The following GMPPA variants were observed in gnomAD, a reference collection of about 807,000 sequenced individuals.
GMPPA encodes GDP-mannose pyrophosphorylase A.
A neutral mutation model predicts 58.6 loss-of-function variants in GMPPA; 46 were observed. The observed-to-expected ratio is 0.78, with a 90% CI of 0.62 to 1.00. The LOEUF (loss-of-function observed/expected upper bound fraction) is 1.00. GMPPA is among the 50% of genes least tolerant of loss of function. The pLI, the probability that GMPPA is intolerant of heterozygous loss-of-function variation, is 0.00. For synonymous variants in GMPPA, 211 were observed against 214.9 expected (o/e 0.98, Z 0.16); for missense variants, 468 against 556.4 (o/e 0.84, Z 1.60).
At chr2:219,504,759 A>G in intron 7 of GMPPA, 1 of 594,272 alleles carries the variant, frequency 1.7e-6, no homozygotes, top group Admixed American at 5.3e-5. Context: ...TTCCCTCTCC[A>G]TCTCTCCTGG....
At chr2:219,504,012 A>G in intron 6 of GMPPA, 71 bp from the exon 7 acceptor site, 1 of 1,568,956 alleles carries the variant, frequency 6.4e-7, no homozygotes, top group Non-Finnish European at 8.7e-7. Context: ...AAGGGCCTAG[A>G]AATCAGAGGG....
chr2:219,504,175 T>G lies in GMPPA; in HGVS notation c.582T>G (p.Leu194=). ...YLFSPEALKP[L]RDVFQRNQQD... ...TTTCTCCTGAAGCCTTGAAGCCTCTTCGGGATGTCTTCCAGCGTAATCAGC... is the reference window on the plus strand; with the variant it reads ...TTTCTCCTGAAGCCTTGAAGCCTCTGCGGGATGTCTTCCAGCGTAATCAGC... The change falls in exon 7 of 13, where the codon CTT becomes CTG. Residue 194 remains leucine, a synonymous_variant. Coordinates refer to ENST00000313597, the MANE Select transcript of GMPPA (RefSeq NM_013335.4). The G allele has an allele frequency of 6.2e-7, 1 of 1,614,082 alleles. No homozygotes were observed.
At position 219,505,229 on chromosome 2, in the gene GMPPA, G is replaced by A. The variant is rs750421357; in HGVS notation, c.622G>A (p.Glu208Lys). ...FQRNQQDGQL[E>K]DSPGLWPGAG... ...GTCAGCATTCTTCCTCTCTGCCAGG[G>A]AGGACTCACCAGGCTTGTGGCCAGG... The change falls in exon 8 of 13, where the codon GAG becomes AAG. Residue 208 changes from glutamate (E) to lysine (K), a missense_variant and splice_region_variant. Glu to Lys is a moderately conservative substitution (Grantham distance 56, BLOSUM62 1). Transcript: ENST00000313597. 6.2e-7 allele frequency: 1 copy of A among 1,613,526 alleles called. No individual in the cohort carries two copies. The highest frequency in any genetic ancestry group is 1.1e-5 in the South Asian group (1 of 91,082).
chr2:219,506,231 C>T (rs369898058), intron 11 of GMPPA, 23 bp from the exon 12 acceptor site: 3 of 1,591,594 alleles, frequency 1.9e-6, no homozygotes, highest in Non-Finnish European at 2.6e-6. Context: ...CTTCCCCTTA[C>T]CTTTCACTGT....
chr2:219,504,738 C>A, intron 7 of GMPPA: 1 of 389,006 alleles, frequency 2.6e-6, no homozygotes, highest in Non-Finnish European at 3.7e-6. Flanking sequence ...CACTCCCACC[C>A]GTGTCTCTGC....
At position 219,501,894 on chromosome 2, in the gene GMPPA, T is replaced by G; in HGVS notation, c.286T>G (p.Tyr96Asp). The stretch of plus-strand genomic sequence containing the variant: ...CCCCCTAGGCACAGGGGGTGGTCTT[T>G]ACCATTTTCGAGACCAGATCCTGGC... ...FAPLGTGGGL[Y>D]HFRDQILAGS... The change falls in exon 5 of 13, where the codon TAC (tyrosine) becomes GAC (aspartate). Residue 96 changes from tyrosine (Y) to aspartate (D), a missense_variant. By Grantham distance (160) the Tyr-to-Asp change is radical. Coordinates refer to ENST00000313597, the MANE Select transcript of GMPPA (RefSeq NM_013335.4). The G allele has an allele frequency of 2.5e-6, 4 of 1,614,190 alleles. No individual in the cohort carries two copies. The highest frequency in any genetic ancestry group is 3.4e-6 in the Non-Finnish European group (4 of 1,180,026).
At position 219,501,928 on chromosome 2, in the gene GMPPA, C is replaced by T; in HGVS notation, c.320C>T (p.Pro107Leu). 1 of 1,614,164 alleles carries T rather than the reference C, an allele frequency of 6.2e-7. No homozygotes were observed. The highest frequency in any genetic ancestry group is 8.5e-7 in the Non-Finnish European group (1 of 1,180,016). ...HFRDQILAGS[P>L]EAFFVLNADV... Reference sequence around the variant, plus strand: ...CGAGACCAGATCCTGGCTGGGAGCCCCGAGGCATTCTTCGTGCTCAATGCT... The same window carrying T: ...CGAGACCAGATCCTGGCTGGGAGCCTCGAGGCATTCTTCGTGCTCAATGCT... Residue 107 changes from proline to leucine, a missense_variant, in exon 5 of 13, where the codon CCC becomes CTC. By Grantham distance (98) the Pro-to-Leu change is moderately conservative. Transcript: ENST00000313597.
rs1694424320 is a variant in GMPPA at position 219,502,239 on chromosome 2, C to A, written c.430-143C>A. ...TGTTCAGAAGTAGGGAGGGGGAGGG[C>A]AGCTGTCAGTTTCCACCCTTGCTGA... is the stretch of plus-strand genomic sequence containing the variant. On this transcript the variant is annotated intron_variant, in intron 5 of 12. Coordinates refer to ENST00000313597, the MANE Select transcript of GMPPA (RefSeq NM_013335.4). The surrounding 1 kb of genome is among the most constrained non-coding windows in gnomAD (Gnocchi z 4.0). 2 of 847,524 alleles carry A rather than the reference C, an allele frequency of 2.4e-6. No homozygotes were observed. The highest frequency in any genetic ancestry group is 1.7e-5 in the African/African-American group (1 of 59,804). 52.5% of individuals were successfully genotyped at this position (847,524 alleles called of 1,614,324 possible).
chr2:219,504,140 A>G lies in GMPPA; in HGVS notation c.547A>G (p.Ile183Val), dbSNP rs370233142. 5.6e-6 allele frequency: 9 copies of G among 1,613,776 alleles called. No homozygotes were observed. In the African/African-American group the frequency reaches 8.0e-5, roughly 14 times the overall value. Reference protein sequence around the residue: ...TFISDIINCGIYLFSPEALKP... With the variant: ...TFISDIINCGVYLFSPEALKP... Reference sequence around the variant, plus strand: ...TATCAGTGACATCATCAACTGCGGCATCTACCTCTTTTCTCCTGAAGCCTT... The same window carrying G: ...TATCAGTGACATCATCAACTGCGGCGTCTACCTCTTTTCTCCTGAAGCCTT... The change falls in exon 7 of 13, where the codon ATC (isoleucine) becomes GTC (valine). Residue 183 changes from isoleucine (I) to valine (V), a missense_variant. By Grantham distance (29) the Ile-to-Val change is conservative. Transcript: ENST00000313597.
In GMPPA at chr2:219,501,470, C is replaced by T; in HGVS notation, c.139-6C>T. On this transcript the variant is annotated splice_region_variant and splice_polypyrimidine_tract_variant and intron_variant, in intron 3 of 12. Transcript: ENST00000313597. The stretch of plus-strand genomic sequence containing the variant: ...TCTTCATCCCAGCCTCTTCCCTTGT[C>T]CTCAGGTCCCTGGAATGCAGGAGAT... 1 of 1,523,204 alleles carries T rather than the reference C, an allele frequency of 6.6e-7. No homozygotes were observed. Among genetic ancestry groups the T allele is most frequent in the South Asian group, 1.1e-5 (1 of 89,242 alleles). The allele number at this position is 1,523,204 out of a possible 1,614,324, so 94.4% of individuals were successfully genotyped here.
rs1694613799 is a variant in GMPPA at position 219,506,881 on chromosome 2, C to T, written c.*83C>T. ...TTGGCCAGCCTCTGTCCAGAAAGGACCAGAGAAAGCCAGGCTGGATCGTCA... is the reference window on the plus strand; with the variant it reads ...TTGGCCAGCCTCTGTCCAGAAAGGATCAGAGAAAGCCAGGCTGGATCGTCA... On this transcript the variant is annotated 3_prime_UTR_variant, in exon 13 of 13. Coordinates refer to ENST00000313597, the MANE Select transcript of GMPPA (RefSeq NM_013335.4). 2.1e-5 allele frequency: 15 copies of T among 726,898 alleles called. No individual in the cohort carries two copies. The South Asian group carries it at 2.1e-4, about 10-fold the overall frequency. 45.0% of individuals were successfully genotyped at this position (726,898 alleles called of 1,614,324 possible).
intron 3 of GMPPA, chr2:219,501,117 C>T (rs537117168): frequency 2.0e-5 from 4 of 199,280 alleles, no homozygotes; most frequent in African/African-American, 9.4e-5. Flanking sequence ...GCTCTAGAGG[C>T]TGAGGCAGGT....
chr2:219,501,873 C>A lies in GMPPA; in HGVS notation c.265C>A (p.Leu89Ile), dbSNP rs945250817. The change falls in exon 5 of 13, where the codon CTA (leucine) becomes ATA (isoleucine). Residue 89 changes from leucine to isoleucine, a missense_variant. Leu to Ile is a conservative substitution (Grantham distance 5). Coordinates refer to ENST00000313597, the MANE Select transcript of GMPPA (RefSeq NM_013335.4). ...CAGGTACCTGCAGGAATTTGCCCCC[C>A]TAGGCACAGGGGGTGGTCTTTACCA... Reference protein sequence around the residue: ...PVRYLQEFAPLGTGGGLYHFR... With the variant: ...PVRYLQEFAPIGTGGGLYHFR... 6.2e-7 allele frequency: 1 copy of A among 1,614,142 alleles called. No homozygotes were observed. Among genetic ancestry groups the A allele is most frequent in the Admixed American group, 1.7e-5 (1 of 60,024 alleles).
chr2:219,501,454 C>G, intron 3 of GMPPA, 22 bp from the exon 4 acceptor site: 1 of 1,335,760 alleles, frequency 7.5e-7, no homozygotes, highest in Non-Finnish European at 1.1e-6. Flanking sequence ...TTCTTCATCC[C>G]AGCCTCTTCC....
intron 1 of GMPPA, 129 bp from the exon 2 acceptor site, chr2:219,499,827 T>C: frequency 1.4e-6 from 1 of 725,566 alleles, no homozygotes; most frequent in Non-Finnish European, 2.5e-6. Flanking sequence ...TGTGAGGTGT[T>C]GGGTCCAGGC....
chr2:219,506,484 G>C (rs1183981844), intron 12 of GMPPA, 62 bp downstream of exon 12: 6 of 1,502,690 alleles, frequency 4.0e-6, no homozygotes, highest in Admixed American at 3.6e-5. Flanking sequence ...TGGCCCCGGG[G>C]AGCATTCGTT....
Position 219,502,014 on chromosome 2 carries a change from CCTTT to C in GMPPA, c.410_413del (p.Phe137TyrfsTer54). 6.2e-7 allele frequency: 1 copy of C among 1,614,222 alleles called. No individual in the cohort carries two copies. Reference sequence around the variant, plus strand: ...GGAAGCCCACCGACGCCAGCGTCACCCTTTCTTACTCCTTGGCACTACGGTGAGG... The same window carrying C: ...GGAAGCCCACCGACGCCAGCGTCACCCTTACTCCTTGGCACTACGGTGAGG... On this transcript the variant is annotated frameshift_variant, in exon 5 of 13. Coordinates refer to ENST00000313597, the MANE Select transcript of GMPPA (RefSeq NM_013335.4). LOFTEE classifies it high-confidence loss of function. The surrounding 1 kb of genome is among the most constrained non-coding windows in gnomAD (Gnocchi z 4.0).
chr2:219,499,201 G>A (rs1694302489), intron 1 of GMPPA: 1 of 152,350 alleles, frequency 6.6e-6, no homozygotes, highest in Non-Finnish European at 1.5e-5. Flanking sequence ...AATAGGTTCA[G>A]TGTTTGAGAT....
chr2:219,506,363 G>A lies in GMPPA; in HGVS notation c.1103G>A (p.Arg368His), dbSNP rs769661929. The A allele has an allele frequency of 5.0e-6, 8 of 1,613,722 alleles. No homozygotes were observed. Among genetic ancestry groups the A allele is most frequent in the East Asian group, 2.2e-5 (1 of 44,872 alleles). Residue 368 changes from arginine (R) to histidine (H), a missense_variant, in exon 12 of 13, where the codon CGC becomes CAC. Physicochemically the swap from Arg to His is conservative, Grantham distance 29. Transcript: ENST00000313597. Reference sequence around the variant, plus strand: ...CCTAACCCCAACGATCCCCGAGCCCGCATGGACAGTGAGAGCCTCTTCAAG... The same window carrying A: ...CCTAACCCCAACGATCCCCGAGCCCACATGGACAGTGAGAGCCTCTTCAAG... ...SDPNPNDPRARMDSESLFKDG... is the reference protein window; with the variant it reads ...SDPNPNDPRAHMDSESLFKDG...
Sources: allele counts gnomAD v4.1 joint callset, GRCh38; gene constraint gnomAD v4.1.1; non-coding constraint Gnocchi (gnomAD v3.1); transcripts MANE v1.5; gene names NCBI Gene and HGNC (gene_info 2026-07-23, HGNC 2026-07-21).